MCM6: variants seen among roughly 807,000 people sequenced by gnomAD.
The protein encoded by MCM6 is DNA replication licensing factor MCM6.
Under a neutral mutation model 94.3 loss-of-function variants are expected in MCM6, and 46 were observed. That is an observed-to-expected ratio of 0.49 (90% CI 0.39 to 0.62). The LOEUF is 0.62. Ranked by LOEUF, MCM6 falls within the 20% of genes least tolerant of loss-of-function variation. The pLI is 0.00. For synonymous variants in MCM6, 335 were observed against 351.9 expected, an observed-to-expected ratio of 0.95 and a Z score of 0.54; for missense variants, 865 against 1,017.9, an observed-to-expected ratio of 0.85 and a Z score of 2.04.
At chr2:135,874,142 T>C (rs1440400626) in intron 1 of MCM6, among the ~76,000 whole-genome samples, 1 of 152,244 alleles carries the variant, frequency 6.6e-6, no homozygotes, top group Non-Finnish European at 1.5e-5. Context: ...GTCTCATCAT[T>C]ATCATCTAGC....
At chr2:135,863,539 A>AAC (rs1680031851) in intron 7 of MCM6, among the ~76,000 whole-genome samples, 1 of 152,120 alleles carries the variant, frequency 6.6e-6, no homozygotes, top group Non-Finnish European at 1.5e-5. Context: ...CAGCCCAGGC[A>AAC]ACACGGTAAA....
Position 135,872,803 on chromosome 2 carries a change from C to A in MCM6, c.148G>T (p.Ala50Ser). The change falls in exon 2 of 17, where the codon GCA becomes TCA. Residue 50 changes from alanine (A) to serine (S), a missense_variant. By Grantham distance (99) the Ala-to-Ser change is moderately conservative. Transcript: ENST00000264156. ...CTCTCAGGACGAATCAGTTCCTCTG[C>A]TAATTGCAAGTATTTAATTTCTCCA... ...SDGEIKYLQL[A>S]EELIRPERNT... The A allele has an allele frequency of 6.2e-7, 1 of 1,614,212 alleles. No homozygotes were observed. Among genetic ancestry groups the A allele is most frequent in the African/African-American group, 1.3e-5 (1 of 75,058 alleles).
chr2:135,869,479 TA>T (rs199834308), intron 3 of MCM6, among the ~76,000 whole-genome samples: 38 of 145,426 alleles, frequency 2.6e-4, no homozygotes, highest in Non-Finnish European at 2.1e-4. Context: ...CCGCAATTTC[TA>T]AAAAAAAAAG....
intron 11 of MCM6, among the ~76,000 whole-genome samples, chr2:135,855,843 C>A (rs1041847008): frequency 9.9e-5 from 15 of 152,094 alleles, no homozygotes; most frequent in Non-Finnish European, 1.5e-4. Context: ...TACAAACTGT[C>A]ATTTTATAGT....
rs748709370 is a variant in MCM6 at position 135,866,237 on chromosome 2, A to G, written c.822T>C (p.Asp274=). ...CTCGAATGCCTTCTGTCTCATATCC[A>G]TCAACACCACTGACACGGGAATTAG... The part of the protein sequence containing the change: ...AETNSRVSGV[D]GYETEGIRGL... The change falls in exon 6 of 17, where the codon GAT becomes GAC. Residue 274 remains aspartate, a synonymous_variant. Coordinates refer to ENST00000264156, the MANE Select transcript of MCM6 (RefSeq NM_005915.6). 1 of 1,614,180 alleles carries G rather than the reference A, an allele frequency of 6.2e-7. No homozygotes were observed. Among genetic ancestry groups the G allele is most frequent in the Non-Finnish European group, 8.5e-7 (1 of 1,180,020 alleles).
At chr2:135,860,076 T>C (rs144506597) in intron 8 of MCM6, among the ~76,000 whole-genome samples, 2 of 152,178 alleles carry the variant, frequency 1.3e-5, no homozygotes, top group Admixed American at 6.5e-5. Context: ...AGTGCTGGGA[T>C]TACAGGCGTG....
intron 8 of MCM6, among the ~76,000 whole-genome samples, chr2:135,861,312 C>T (rs1039985480): frequency 3.3e-5 from 5 of 151,832 alleles, no homozygotes; most frequent in African/African-American, 1.2e-4. Flanking sequence ...CTTTCACCTA[C>T]AAGAAAGTGG....
chr2:135,841,613 C>A (rs184373783), intron 16 of MCM6, among the ~76,000 whole-genome samples: 1 of 152,204 alleles, frequency 6.6e-6, no homozygotes, highest in Non-Finnish European at 1.5e-5. Flanking sequence ...ACAGTATAAA[C>A]ACTGAAGCCA....
chr2:135,848,161 A>G lies in MCM6; in HGVS notation c.1945T>C (p.Phe649Leu). The change falls in exon 14 of 17, where the codon TTC (phenylalanine) becomes CTC (leucine). Residue 649 changes from phenylalanine to leucine, a missense_variant. This residue lies in a region of MCM6 where 308 missense variants were observed against 324.5 expected (regional missense o/e 0.95). Transcript: ENST00000264156. ...EVQPKHVKEA[F>L]RLLNKSIIRV... ...ATGATTGATTTATTCAGTAACCGGA[A>G]AGCTTCCTTCACATGTTTAGGTTGG... The G allele has an allele frequency of 6.2e-7, 1 of 1,612,698 alleles. No homozygotes were observed. Among genetic ancestry groups the G allele is most frequent in the South Asian group, 1.1e-5 (1 of 91,016 alleles).
intron 4 of MCM6, 81 bp downstream of exon 4, chr2:135,868,530 T>C (rs1049092448): frequency 2.1e-6 from 3 of 1,418,816 alleles, no homozygotes; most frequent in African/African-American, 1.4e-5. Context: ...TTGAACATTA[T>C]CTAAATAAGC....
rs1415227847 is a variant in MCM6 at position 135,844,680 on chromosome 2, C to T, written c.2214G>A (p.Glu738=). The change falls in exon 16 of 17, where the codon GAG becomes GAA. Residue 738 remains glutamate (E), a synonymous_variant. Transcript: ENST00000264156. The part of the protein sequence containing the change: ...VLHLRKVEEE[E]DESALKRSEL... ...CGCTCCTCTTTAATGCTGACTCGTC[C>T]TCTTCTGCAACAAAAAAACACATTC... 1.3e-6 allele frequency: 2 copies of T among 1,553,020 alleles called. No homozygotes were observed. The highest frequency in any genetic ancestry group is 1.7e-6 in the Non-Finnish European group (2 of 1,156,244).
In MCM6 at chr2:135,871,563, A is replaced by G. The variant is rs4988159; in HGVS notation, c.254+1134T>C. Reference sequence around the variant, plus strand: ...TGATTCTATTTCTATAGACTGTCACATTTATTTAATCCTAATACAAAGTCT... The same window carrying G: ...TGATTCTATTTCTATAGACTGTCACGTTTATTTAATCCTAATACAAAGTCT... On this transcript the variant is annotated intron_variant, in intron 2 of 16. Transcript: ENST00000264156. Among the ~76,000 whole-genome samples the G allele has an allele frequency of 3.2e-3, 490 of 152,326 alleles. 5 individuals carry two copies. Among genetic ancestry groups the G allele is most frequent in the Admixed American group, 0.021 (326 of 15,300 alleles).
chr2:135,851,342 TA>T, intron 13 of MCM6, 59 bp downstream of exon 13: 1 of 1,401,468 alleles, frequency 7.1e-7, no homozygotes, highest in Non-Finnish European at 9.8e-7. Flanking sequence ...TACCAAAGAT[TA>T]AAAACATGCA....
At chr2:135,867,983 C>T (rs1033358536) in intron 4 of MCM6, among the ~76,000 whole-genome samples, 2 of 151,774 alleles carry the variant, frequency 1.3e-5, no homozygotes, top group East Asian at 1.9e-4. Context: ...GCCGAGATCG[C>T]GCCACTGCAC....
intron 13 of MCM6, among the ~76,000 whole-genome samples, chr2:135,850,945 C>T (rs527991977): frequency 1.3e-5 from 2 of 152,168 alleles, no homozygotes; most frequent in East Asian, 1.9e-4. Flanking sequence ...AATGCCCTTT[C>T]GTACTACTCC....
In MCM6 at chr2:135,872,784, G is replaced by A; in HGVS notation, c.167C>T (p.Pro56Leu). 6.2e-7 allele frequency: 1 copy of A among 1,614,136 alleles called. No individual in the cohort carries two copies. The highest frequency in any genetic ancestry group is 8.5e-7 in the Non-Finnish European group (1 of 1,180,020). The part of the protein sequence containing the change: ...YLQLAEELIR[P>L]ERNTLVVSFV... ...ACTCACAACCAATGTGTTTCTCTCA[G>A]GACGAATCAGTTCCTCTGCTAATTG... Residue 56 changes from proline to leucine, a missense_variant, in exon 2 of 17, where the codon CCT (proline) becomes CTT (leucine). Pro to Leu is a moderately conservative substitution (Grantham distance 98). This residue lies in a region of MCM6 where 404 missense variants were observed against 451.9 expected (regional missense o/e 0.89). Coordinates refer to ENST00000264156, the MANE Select transcript of MCM6 (RefSeq NM_005915.6).
intron 16 of MCM6, among the ~76,000 whole-genome samples, chr2:135,841,452 T>C (rs1679569694): frequency 6.6e-6 from 1 of 152,156 alleles, no homozygotes. Context: ...GAACATGCCA[T>C]CTGGCTTAAA....
intron 13 of MCM6, among the ~76,000 whole-genome samples, chr2:135,850,652 C>T (rs951326862): frequency 4.6e-5 from 7 of 152,190 alleles, no homozygotes; most frequent in South Asian, 2.1e-4. Flanking sequence ...TGATTGAAGT[C>T]GGAACAGTGG....
chr2:135,852,310 AT>A (rs1430924038), intron 12 of MCM6, among the ~76,000 whole-genome samples: 1 of 152,138 alleles, frequency 6.6e-6, no homozygotes, highest in Non-Finnish European at 1.5e-5. Context: ...AATGCCAAGC[AT>A]TTGGGGGTTT....
Sources: gnomAD v4.1 joint callset for allele counts (sites outside exome capture counted in the v4.1 genomes callset) on GRCh38, gnomAD v4.1.1 for gene constraint, gnomAD v4.1.1 regional missense constraint, MANE v1.5 for transcripts, NCBI Gene and HGNC (gene_info 2026-07-23, HGNC 2026-07-21) for gene names.